Variants in COL25A1 observed in about 807,000 individuals in gnomAD.
COL25A1 encodes collagen alpha-1(XXV) chain.
A neutral mutation model predicts 128.4 loss-of-function variants in COL25A1; 103 were observed. That is an observed-to-expected ratio of 0.80 (90% CI 0.68 to 0.94). The LOEUF is 0.94. Among genes scored for constraint, COL25A1 ranks in the 40% least tolerant of loss-of-function variants. The pLI is 0.00. For synonymous variants in COL25A1, 279 were observed against 277.2 expected (o/e 1.01, Z -0.06); for missense variants, 745 against 840.0 (o/e 0.89, Z 1.40).
chr4:109,041,458 T>C (rs1759886838), intron 5 of COL25A1, among the ~76,000 whole-genome samples: 1 of 152,140 alleles, frequency 6.6e-6, no homozygotes, highest in Non-Finnish European at 1.5e-5. Context: ...TCTAAAATGT[T>C]ACAAGACTGA....
chr4:109,132,309 C>A (rs139851314), intron 3 of COL25A1, among the ~76,000 whole-genome samples: 1 of 152,168 alleles, frequency 6.6e-6, no homozygotes, highest in East Asian at 1.9e-4. Flanking sequence ...ATGATAATTT[C>A]ACTCCCAGAT....
chr4:108,845,256 A>T lies in COL25A1; in HGVS notation c.1516-5T>A. On this transcript the variant is annotated splice_polypyrimidine_tract_variant and splice_region_variant and intron_variant, in intron 28 of 37. Coordinates refer to ENST00000399132, the MANE Select transcript of COL25A1 (RefSeq NM_198721.4). The stretch of plus-strand genomic sequence containing the variant: ...TCCTTTCATTCCATTGGCTCCCTAT[A>T]AATAACCATTAAGCAGAGTTAAGCA... 2 of 1,612,498 alleles carry T rather than the reference A, an allele frequency of 1.2e-6. No individual in the cohort carries two copies. Among genetic ancestry groups the T allele is most frequent in the East Asian group, 4.5e-5 (2 of 44,882 alleles).
chr4:109,236,769 C>T (rs1779505652), intron 3 of COL25A1, among the ~76,000 whole-genome samples: 1 of 152,024 alleles, frequency 6.6e-6, no homozygotes, highest in South Asian at 2.1e-4. Context: ...TCTCCAATGA[C>T]TTACATTATT....
intron 6 of COL25A1, among the ~76,000 whole-genome samples, chr4:108,979,432 G>A (rs1752747295): frequency 1.3e-5 from 2 of 152,186 alleles, no homozygotes; most frequent in South Asian, 4.1e-4. Context: ...CATAGGCCTG[G>A]AGTAACCCAA....
intron 3 of COL25A1, among the ~76,000 whole-genome samples, chr4:109,088,709 CT>C (rs1196108201): frequency 6.6e-6 from 1 of 152,142 alleles, no homozygotes; most frequent in African/African-American, 2.4e-5. Flanking sequence ...AGTTTCTCTG[CT>C]TTCAGGGGAT....
chr4:109,080,775 A>C (rs1763768610), intron 3 of COL25A1, among the ~76,000 whole-genome samples: 1 of 152,126 alleles, frequency 6.6e-6, no homozygotes, highest in African/African-American at 2.4e-5. Context: ...TTGCCACCTA[A>C]ATTTTATGAA....
intron 5 of COL25A1, among the ~76,000 whole-genome samples, chr4:109,036,635 C>T (rs1759385349): frequency 6.6e-6 from 1 of 152,194 alleles, no homozygotes; most frequent in Admixed American, 6.5e-5. Context: ...GAATAATGGT[C>T]AGACTACCTG....
At chr4:108,981,824 T>C (rs986094910) in intron 6 of COL25A1, among the ~76,000 whole-genome samples, 1 of 152,140 alleles carries the variant, frequency 6.6e-6, no homozygotes, top group Admixed American at 6.5e-5. Flanking sequence ...ATAATAGTAA[T>C]TATCAAGTAC....
intron 5 of COL25A1, among the ~76,000 whole-genome samples, chr4:109,018,303 C>A (rs149766673): frequency 1.7e-3 from 256 of 152,272 alleles, no homozygotes; most frequent in African/African-American, 5.2e-3. Context: ...CAGCTCACTG[C>A]AACCTCCACC....
At chr4:109,159,728 T>C (rs1225805327) in intron 3 of COL25A1, among the ~76,000 whole-genome samples, 3 of 152,218 alleles carry the variant, frequency 2.0e-5, no homozygotes, top group Non-Finnish European at 4.4e-5. Flanking sequence ...TCTAACTATG[T>C]GGCTAAAATA....
intron 3 of COL25A1, among the ~76,000 whole-genome samples, chr4:109,234,526 C>G (rs956850899): frequency 2.0e-5 from 3 of 152,088 alleles, no homozygotes; most frequent in African/African-American, 4.8e-5. Flanking sequence ...CTCCCCTCCC[C>G]CTGCATGTTA....
chr4:108,925,003 G>T (rs1406067271), intron 11 of COL25A1, among the ~76,000 whole-genome samples: 1 of 152,104 alleles, frequency 6.6e-6, no homozygotes, highest in Non-Finnish European at 1.5e-5. Flanking sequence ...ATAATTGTCT[G>T]GTTACTTCTT....
chr4:109,170,006 CAA>C (rs1301883987), intron 3 of COL25A1, among the ~76,000 whole-genome samples: 1 of 151,778 alleles, frequency 6.6e-6, no homozygotes, highest in African/African-American at 2.4e-5. Context: ...ATTAATTGTA[CAA>C]GTCAAGAAAA....
At chr4:108,847,511 T>A (rs1250307427) in intron 27 of COL25A1, among the ~76,000 whole-genome samples, 1 of 152,128 alleles carries the variant, frequency 6.6e-6, no homozygotes, top group Non-Finnish European at 1.5e-5. Flanking sequence ...ACCTGGATTA[T>A]TTTTAGGGAT....
intron 3 of COL25A1, among the ~76,000 whole-genome samples, chr4:109,068,861 G>T (rs567005516): frequency 6.6e-6 from 1 of 152,224 alleles, no homozygotes; most frequent in South Asian, 2.1e-4. Context: ...CTTTACAATG[G>T]AGCTTACATA....
chr4:109,270,139 A>G (rs1181023382), intron 3 of COL25A1, among the ~76,000 whole-genome samples: 4 of 152,156 alleles, frequency 2.6e-5, no homozygotes, highest in Admixed American at 2.0e-4. Context: ...AACTGGAAGC[A>G]TTCCCTTTAA....
chr4:108,886,718 T>C (rs1740874528), intron 18 of COL25A1, among the ~76,000 whole-genome samples: 1 of 152,108 alleles, frequency 6.6e-6, no homozygotes, highest in Non-Finnish European at 1.5e-5. Flanking sequence ...TTTGATTCGT[T>C]ATCCCATTCA....
At chr4:108,958,878 C>T (rs768717164) in intron 8 of COL25A1, among the ~76,000 whole-genome samples, 14 of 152,010 alleles carry the variant, frequency 9.2e-5, no homozygotes, top group Non-Finnish European at 2.1e-4. Context: ...AAAAATTCTA[C>T]ACTACCACAG....
At chr4:109,045,470 T>C (rs1760345532) in intron 5 of COL25A1, among the ~76,000 whole-genome samples, 1 of 152,212 alleles carries the variant, frequency 6.6e-6, no homozygotes, top group Non-Finnish European at 1.5e-5. Flanking sequence ...AATCCCATTG[T>C]TCATTAATAT....
Sources: gnomAD v4.1 joint callset for allele counts (sites outside exome capture counted in the v4.1 genomes callset) on GRCh38, gnomAD v4.1.1 for gene constraint, MANE v1.5 for transcripts, NCBI Gene and HGNC (gene_info 2026-07-23, HGNC 2026-07-21) for gene names.